Variants in MAGI2 observed in about 807,000 individuals in gnomAD.
MAGI2 encodes membrane-associated guanylate kinase, WW and PDZ domain-containing protein 2.
Under a neutral mutation model 133.3 loss-of-function variants are expected in MAGI2, and 35 were observed. That is an observed-to-expected ratio of 0.26 (90% CI 0.20 to 0.35). The LOEUF is 0.35. MAGI2 is among the 10% of genes least tolerant of loss of function. The pLI, the probability that MAGI2 is intolerant of heterozygous loss-of-function variation, is 1.00. For missense variants in MAGI2, 1,636 were observed against 1,863.4 expected (o/e 0.88, Z 2.25); for synonymous variants, 729 against 710.6 (o/e 1.03, Z -0.41).
At chr7:78,907,472 G>A (rs533399915) in intron 2 of MAGI2, among the ~76,000 whole-genome samples, 3 of 152,122 alleles carry the variant, frequency 2.0e-5, no homozygotes, top group African/African-American at 7.2e-5. Flanking sequence ...TAGGACTGGG[G>A]TTTATTATAA....
chr7:78,775,263 AG>A (rs1825895055), intron 2 of MAGI2, among the ~76,000 whole-genome samples: 1 of 138,794 alleles, frequency 7.2e-6, no homozygotes, highest in Non-Finnish European at 1.5e-5. Flanking sequence ...CAGTGAGCCC[AG>A]ATTGTGCCAT....
intron 1 of MAGI2, among the ~76,000 whole-genome samples, chr7:79,398,763 A>G (rs942201977): frequency 1.3e-5 from 2 of 152,188 alleles, no homozygotes; most frequent in African/African-American, 4.8e-5. Flanking sequence ...AATCTAAAAT[A>G]CTGAGATTAT....
chr7:79,031,037 A>C (rs893591238), intron 1 of MAGI2, among the ~76,000 whole-genome samples: 1 of 152,204 alleles, frequency 6.6e-6, no homozygotes, highest in Non-Finnish European at 1.5e-5. Context: ...CCTTATCAGC[A>C]TGCTAAGAGT....
intron 9 of MAGI2, among the ~76,000 whole-genome samples, chr7:78,276,033 CTG>C (rs1795026367): frequency 6.6e-6 from 1 of 152,144 alleles, no homozygotes; most frequent in Non-Finnish European, 1.5e-5. Context: ...ACTCAGGAAA[CTG>C]ACAGAGAAAG....
intron 9 of MAGI2, among the ~76,000 whole-genome samples, chr7:78,318,318 A>G (rs62463925): frequency 0.22 from 34,103 of 152,196 alleles, 5,064 homozygotes; most frequent in African/African-American, 0.4. Flanking sequence ...AGAGAACTTC[A>G]TGAAGCAAAC....
At chr7:79,426,779 T>C (rs538594481) in intron 1 of MAGI2, among the ~76,000 whole-genome samples, 2 of 152,306 alleles carry the variant, frequency 1.3e-5, no homozygotes, top group Non-Finnish European at 1.5e-5. Context: ...GATTCAAATA[T>C]CAGGAGTTTA....
intron 2 of MAGI2, among the ~76,000 whole-genome samples, chr7:78,652,940 G>GA (rs569748966): frequency 5.4e-4 from 77 of 142,954 alleles, no homozygotes; most frequent in Admixed American, 2.5e-3. Context: ...ATTTACAAGG[G>GA]AAAAAAAAAA....
At chr7:78,744,376 G>GT (rs1822731173) in intron 2 of MAGI2, among the ~76,000 whole-genome samples, 1 of 151,896 alleles carries the variant, frequency 6.6e-6, no homozygotes. Flanking sequence ...GCTAATTTCT[G>GT]TTTTTACTGG....
chr7:79,128,697 T>C (rs543423971), intron 1 of MAGI2, among the ~76,000 whole-genome samples: 1 of 152,212 alleles, frequency 6.6e-6, no homozygotes, highest in East Asian at 1.9e-4. Context: ...ATGGTAAAGG[T>C]AAATTTATTC....
At chr7:79,364,457 C>T (rs1323906928) in intron 1 of MAGI2, among the ~76,000 whole-genome samples, 1 of 151,928 alleles carries the variant, frequency 6.6e-6, no homozygotes, top group African/African-American at 2.4e-5. Flanking sequence ...GTACACTATA[C>T]ATATATAACG....
chr7:78,823,317 C>T (rs1405740649), intron 2 of MAGI2, among the ~76,000 whole-genome samples: 7 of 152,002 alleles, frequency 4.6e-5, no homozygotes, highest in African/African-American at 1.7e-4. Context: ...GGCGCGGTGG[C>T]TCACGCCTGT....
At chr7:79,319,369 T>C (rs1838999155) in intron 1 of MAGI2, among the ~76,000 whole-genome samples, 1 of 152,180 alleles carries the variant, frequency 6.6e-6, no homozygotes, top group African/African-American at 2.4e-5. Context: ...TCTTTCAATA[T>C]CCAGTTTTAC....
chr7:78,074,528 G>C (rs1028664327), intron 21 of MAGI2, among the ~76,000 whole-genome samples: 5 of 151,908 alleles, frequency 3.3e-5, no homozygotes, highest in African/African-American at 9.7e-5. Context: ...CCATGATTAG[G>C]GTGCATTAGG....
intron 7 of MAGI2, among the ~76,000 whole-genome samples, chr7:78,355,504 C>T (rs1791983278): frequency 6.6e-6 from 1 of 152,178 alleles, no homozygotes; most frequent in Admixed American, 6.5e-5. Flanking sequence ...TATGCTGACC[C>T]TCAGTGAAAT....
intron 1 of MAGI2, among the ~76,000 whole-genome samples, chr7:79,373,571 T>C (rs997843403): frequency 6.6e-6 from 1 of 152,100 alleles, no homozygotes; most frequent in South Asian, 2.1e-4. Flanking sequence ...AGCATGATTA[T>C]TATTCCACAT....
intron 9 of MAGI2, among the ~76,000 whole-genome samples, chr7:78,318,274 C>T (rs909418591): frequency 6.6e-6 from 1 of 152,118 alleles, no homozygotes; most frequent in African/African-American, 2.4e-5. Flanking sequence ...TAGAGAAGAA[C>T]ATAAATGACC....
intron 1 of MAGI2, among the ~76,000 whole-genome samples, chr7:79,365,975 G>C (rs556531756): frequency 1.3e-5 from 2 of 151,118 alleles, no homozygotes; most frequent in African/African-American, 2.4e-5. Flanking sequence ...TGGTGCGATG[G>C]CTCAGGCCTT....
chr7:78,965,089 C>T (rs1449304761), intron 2 of MAGI2, among the ~76,000 whole-genome samples: 1 of 151,200 alleles, frequency 6.6e-6, no homozygotes, highest in Admixed American at 6.6e-5. Flanking sequence ...AATATATTAA[C>T]TAATATAAAT....
chr7:79,324,157 T>C (rs967830579), intron 1 of MAGI2, among the ~76,000 whole-genome samples: 1 of 80,322 alleles, frequency 1.2e-5, no homozygotes, highest in Non-Finnish European at 3.0e-5. Flanking sequence ...CATGTAAAGA[T>C]CTTTTTCAAT....
Sources: allele counts gnomAD v4.1 joint callset (sites outside exome capture counted in the v4.1 genomes callset), GRCh38; gene constraint gnomAD v4.1.1; transcripts MANE v1.5; gene names NCBI Gene and HGNC (gene_info 2026-07-23, HGNC 2026-07-21).